The following CNTLN variants were observed in gnomAD, a reference collection of about 807,000 sequenced individuals.
CNTLN encodes the protein centlein.
Under a neutral mutation model 180.0 loss-of-function variants are expected in CNTLN, and 212 were observed. The ratio of observed to expected loss-of-function variants is 1.18; its 90% CI spans 1.05 to 1.32. The LOEUF (loss-of-function observed/expected upper bound fraction) is 1.32, where lower values mean the gene tolerates loss of function less well. CNTLN is among the 40% of genes most tolerant of loss of function. The pLI is 0.00. For synonymous variants in CNTLN, 722 were observed against 563.1 expected (o/e 1.28, Z -3.99); for missense variants, 2,095 against 1,610.9 (o/e 1.30, Z -5.14).
At chr9:17,412,476 A>G (rs1216027685) in intron 16 of CNTLN, among the ~76,000 whole-genome samples, 1 of 152,166 alleles carries the variant, frequency 6.6e-6, no homozygotes, top group Non-Finnish European at 1.5e-5. Context: ...AAATTTTTCT[A>G]CTTTATGTTG....
intron 2 of CNTLN, 37 bp downstream of exon 2, chr9:17,143,413 G>A (rs1818239154): frequency 1.4e-6 from 2 of 1,464,318 alleles, no homozygotes; most frequent in Non-Finnish European, 1.9e-6. Context: ...AGTATTTGGT[G>A]TGTTGAGTTT....
intron 2 of CNTLN, among the ~76,000 whole-genome samples, chr9:17,164,311 CAA>C (rs774854028): frequency 9.7e-5 from 5 of 51,748 alleles, no homozygotes; most frequent in Admixed American, 2.2e-4. Context: ...GACTCTGTCT[CAA>C]AAAAAAAAAA....
chr9:17,211,288 C>T (rs770293055), intron 2 of CNTLN, among the ~76,000 whole-genome samples: 28 of 152,124 alleles, frequency 1.8e-4, no homozygotes, highest in Admixed American at 5.2e-4. Flanking sequence ...AGCCAGTTTT[C>T]GCAGCACCAT....
chr9:17,357,517 T>C (rs976000641), intron 12 of CNTLN, among the ~76,000 whole-genome samples: 1 of 149,558 alleles, frequency 6.7e-6, no homozygotes, highest in African/African-American at 2.4e-5. Context: ...TTATTCTAAA[T>C]TTATTTACTA....
chr9:17,228,638 C>T (rs1209921924), intron 3 of CNTLN, among the ~76,000 whole-genome samples: 1 of 152,064 alleles, frequency 6.6e-6, no homozygotes, highest in Non-Finnish European at 1.5e-5. Flanking sequence ...AGGGCAGAGT[C>T]TGTTTCTCTT....
intron 7 of CNTLN, chr9:17,300,937 C>T: frequency 1.0e-6 from 1 of 974,460 alleles, no homozygotes; most frequent in Non-Finnish European, 1.2e-6. Flanking sequence ...TTCCTTTATT[C>T]TACAACTCTT....
intron 2 of CNTLN, among the ~76,000 whole-genome samples, chr9:17,191,825 A>G (rs568238225): frequency 2.6e-5 from 4 of 152,344 alleles, no homozygotes; most frequent in South Asian, 2.1e-4. Context: ...ATAAACAGAA[A>G]AGAAAAACAT....
chr9:17,311,304 C>T (rs1309448199), intron 8 of CNTLN, among the ~76,000 whole-genome samples: 1 of 151,922 alleles, frequency 6.6e-6, no homozygotes, highest in African/African-American at 2.4e-5. Flanking sequence ...GGATTACAGG[C>T]ATGAGCCACC....
intron 2 of CNTLN, among the ~76,000 whole-genome samples, chr9:17,197,901 T>C (rs1377915037): frequency 6.6e-6 from 1 of 152,188 alleles, no homozygotes; most frequent in Non-Finnish European, 1.5e-5. Context: ...CCATTGTGAT[T>C]TGATTTTTGA....
chr9:17,241,567 G>T (rs887170048), intron 5 of CNTLN, among the ~76,000 whole-genome samples: 2 of 151,882 alleles, frequency 1.3e-5, no homozygotes, highest in Non-Finnish European at 2.9e-5. Flanking sequence ...ATAATTTTCA[G>T]ATTAAAAAAA....
At chr9:17,374,973 G>A (rs1824634704) in intron 13 of CNTLN, among the ~76,000 whole-genome samples, 1 of 152,126 alleles carries the variant, frequency 6.6e-6, no homozygotes, top group Admixed American at 6.6e-5. Context: ...GCATTCCCAT[G>A]TTTATTGCAG....
chr9:17,220,331 C>A (rs1824046050), intron 2 of CNTLN, among the ~76,000 whole-genome samples: 1 of 151,830 alleles, frequency 6.6e-6, no homozygotes, highest in South Asian at 2.1e-4. Flanking sequence ...AAAAGTACTA[C>A]CAGAATTTAT....
intron 2 of CNTLN, among the ~76,000 whole-genome samples, chr9:17,166,532 C>T (rs1820079672): frequency 6.6e-6 from 1 of 152,048 alleles, no homozygotes; most frequent in African/African-American, 2.4e-5. Flanking sequence ...AGAACTATTG[C>T]AAGGCACATT....
chr9:17,280,427 TATCA>T (rs990241031), intron 6 of CNTLN, among the ~76,000 whole-genome samples: 1 of 152,160 alleles, frequency 6.6e-6, no homozygotes, highest in Non-Finnish European at 1.5e-5. Flanking sequence ...TTTTTCTTTG[TATCA>T]ATCCTTTTTT....
intron 5 of CNTLN, among the ~76,000 whole-genome samples, chr9:17,241,897 T>C (rs1169133064): frequency 6.6e-6 from 1 of 152,228 alleles, no homozygotes; most frequent in Admixed American, 6.5e-5. Flanking sequence ...TATGTTAATT[T>C]TGTATCCTGC....
chr9:17,230,773 A>T (rs1248677535), intron 3 of CNTLN, among the ~76,000 whole-genome samples: 1 of 152,120 alleles, frequency 6.6e-6, no homozygotes, highest in African/African-American at 2.4e-5. Flanking sequence ...ACAGGGGTCC[A>T]GTAGGTTAAA....
chr9:17,297,280 A>T (rs1818016547), intron 6 of CNTLN, among the ~76,000 whole-genome samples: 1 of 152,186 alleles, frequency 6.6e-6, no homozygotes, highest in Non-Finnish European at 1.5e-5. Context: ...TATATTCAAA[A>T]CTACATCATT....
At chr9:17,238,396 T>A (rs976099523) in intron 5 of CNTLN, among the ~76,000 whole-genome samples, 2 of 152,198 alleles carry the variant, frequency 1.3e-5, no homozygotes, top group Admixed American at 6.5e-5. Flanking sequence ...GCAGCAAGAT[T>A]GTTCACTGAT....
At chr9:17,290,742 G>A (rs1158243182) in intron 6 of CNTLN, among the ~76,000 whole-genome samples, 4 of 151,694 alleles carry the variant, frequency 2.6e-5, no homozygotes, top group African/African-American at 4.8e-5. Context: ...TCTGAAAAGC[G>A]CAATATTCGG....
Sources: allele counts gnomAD v4.1 joint callset (sites outside exome capture counted in the v4.1 genomes callset), GRCh38; gene constraint gnomAD v4.1.1; transcripts MANE v1.5; gene names NCBI Gene and HGNC (gene_info 2026-07-23, HGNC 2026-07-21).